Variants in GOSR2 observed in about 807,000 individuals in gnomAD.
GOSR2 encodes the protein 27 kDa Golgi SNARE protein.
Under a neutral mutation model 27.9 loss-of-function variants are expected in GOSR2, and 20 were observed. That is an observed-to-expected ratio of 0.72 (90% CI 0.50 to 1.04). The LOEUF is 1.04. GOSR2 is among the 50% of genes least tolerant of loss of function. The pLI, the probability that GOSR2 is intolerant of heterozygous loss-of-function variation, is 0.00. For missense variants in GOSR2, 261 were observed against 270.5 expected (o/e 0.97, Z 0.25); for synonymous variants, 91 against 98.8 (o/e 0.92, Z 0.47).
Position 46,923,170 on chromosome 17 carries a change from C to T in GOSR2, c.-23C>T, listed in dbSNP as rs562237021. The T allele has an allele frequency of 1.3e-6, 2 of 1,484,986 alleles. No individual in the cohort carries two copies. The highest frequency in any genetic ancestry group is 9.2e-7 in the Non-Finnish European group (1 of 1,086,450). The allele number at this position is 1,484,986 out of a possible 1,614,324, so 92.0% of individuals were successfully genotyped here. ...TGTTCCGAGGAAGCCAGAGCCGGAG[C>T]CGTGGCCTGCGGGGCCGGCGACATG... On this transcript the variant is annotated 5_prime_UTR_variant, in exon 1 of 6. Coordinates refer to ENST00000640051, the MANE Select transcript of GOSR2 (RefSeq NM_004287.5).
intron 2 of GOSR2, chr17:46,930,804 C>G (rs2087246424): frequency 2.9e-6 from 1 of 347,996 alleles, no homozygotes; most frequent in Non-Finnish European, 5.3e-6. Flanking sequence ...TTTGGACAAC[C>G]TTTGCATGTT....
Position 46,940,488 on chromosome 17 carries a change from G to T in GOSR2, c.*1728G>T. The T allele has an allele frequency of 6.2e-7, 1 of 1,613,072 alleles. No homozygotes were observed. The highest frequency in any genetic ancestry group is 8.5e-7 in the Non-Finnish European group (1 of 1,179,788). On this transcript the variant is annotated 3_prime_UTR_variant, in exon 6 of 6. Transcript: ENST00000640051. Reference sequence around the variant, plus strand: ...ACTGCTGCGGTGCCAGGGACCTAGCGCAGGACTTTTGGTAATCCATAAAAT... The same window carrying T: ...ACTGCTGCGGTGCCAGGGACCTAGCTCAGGACTTTTGGTAATCCATAAAAT...
At chr17:46,935,005 C>CTT in intron 4 of GOSR2, 24 bp from the exon 5 acceptor site, 1 of 1,609,056 alleles carries the variant, frequency 6.2e-7, no homozygotes, top group Non-Finnish European at 8.5e-7. Flanking sequence ...CAAAGTTAAT[C>CTT]AAGTGCCTGT....
chr17:46,928,881 C>T (rs1466661255), intron 1 of GOSR2, among the ~76,000 whole-genome samples: 1 of 152,154 alleles, frequency 6.6e-6, no homozygotes, highest in Non-Finnish European at 1.5e-5. Flanking sequence ...CTCTTTCCAT[C>T]CACATAACTT....
intron 1 of GOSR2, among the ~76,000 whole-genome samples, chr17:46,925,386 A>G (rs1413157731): frequency 6.6e-6 from 1 of 152,240 alleles, no homozygotes; most frequent in Admixed American, 6.5e-5. Context: ...GCTGTGCACC[A>G]TTCTCAGTGC....
At chr17:46,958,619 G>T (rs1323246559) in intron 6 of GOSR2, among the ~76,000 whole-genome samples, 1 of 152,240 alleles carries the variant, frequency 6.6e-6, no homozygotes, top group Non-Finnish European at 1.5e-5. Context: ...AGTGGGATGT[G>T]CCAGCTCAGG....
In GOSR2 at chr17:46,923,202, C is replaced by T. The variant is rs756276963; in HGVS notation, c.10C>T (p.Leu4=). 5.8e-6 allele frequency: 9 copies of T among 1,548,914 alleles called. No homozygotes were observed. Among genetic ancestry groups the T allele is most frequent in the South Asian group, 1.2e-5 (1 of 84,004 alleles). The change falls in exon 1 of 6, where the codon CTG becomes TTG. Residue 4 remains leucine (L), a synonymous_variant. Transcript: ENST00000640051. ...CTGCGGGGCCGGCGACATGGATCCC[C>T]TGTTCCAGCAAACGCACAAGTGAGG... The part of the protein sequence containing the change: MDP[L]FQQTHKQVHE...
intron 6 of GOSR2, among the ~76,000 whole-genome samples, chr17:46,972,164 A>T (rs2091399845): frequency 6.6e-6 from 1 of 152,148 alleles, no homozygotes; most frequent in African/African-American, 2.4e-5. Context: ...CTGTGTGCTG[A>T]CAGAACCCTG....
chr17:46,923,171 C>G lies in GOSR2; in HGVS notation c.-22C>G, dbSNP rs768526397. ...GTTCCGAGGAAGCCAGAGCCGGAGC[C>G]GTGGCCTGCGGGGCCGGCGACATGG... is the stretch of plus-strand genomic sequence containing the variant. On this transcript the variant is annotated 5_prime_UTR_variant, in exon 1 of 6. Coordinates refer to ENST00000640051, the MANE Select transcript of GOSR2 (RefSeq NM_004287.5). 8.1e-6 allele frequency: 12 copies of G among 1,490,374 alleles called. No individual in the cohort carries two copies. Among genetic ancestry groups the G allele is most frequent in the African/African-American group, 2.8e-5 (2 of 72,030 alleles). 92.3% of individuals were successfully genotyped at this position (1,490,374 alleles called of 1,614,324 possible).
At chr17:46,955,061 G>C (rs1443153589) in intron 6 of GOSR2, among the ~76,000 whole-genome samples, 1 of 152,196 alleles carries the variant, frequency 6.6e-6, no homozygotes, top group Non-Finnish European at 1.5e-5. Flanking sequence ...TGTTGAATAG[G>C]AGTGGTGAGA....
At chr17:46,953,756 T>C (rs936503928) in intron 6 of GOSR2, among the ~76,000 whole-genome samples, 4 of 152,224 alleles carry the variant, frequency 2.6e-5, no homozygotes, top group Non-Finnish European at 5.9e-5. Flanking sequence ...TGGTATCTCA[T>C]TGTGGTTTTG....
At chr17:46,971,124 G>C (rs768891903), downstream of GOSR2, among the ~76,000 whole-genome samples, 4 of 152,106 alleles carry the variant, frequency 2.6e-5, no homozygotes, top group South Asian at 4.1e-4. Flanking sequence ...GATCATTTGA[G>C]GTCAGGAGTT....
chr17:46,923,890 T>TA lies in GOSR2; in HGVS notation c.29+670dup, dbSNP rs376196276. The TA allele has an allele frequency of 7.9e-4, 315 of 396,686 alleles. 2 individuals carry two copies. The highest frequency in any genetic ancestry group is 4.4e-3 in the African/African-American group (214 of 48,658). The allele number at this position is 396,686 out of a possible 1,614,324, so 24.6% of individuals were successfully genotyped here. ...AGTTGAGTATTAATGGGGCCATACT[T>TA]ACCCTATTTTTGGGGGCGGGGGGCA... On this transcript the variant is annotated intron_variant, in intron 1 of 5. Coordinates refer to ENST00000640051, the MANE Select transcript of GOSR2 (RefSeq NM_004287.5).
intron 1 of GOSR2, among the ~76,000 whole-genome samples, chr17:46,925,020 A>G (rs2086276957): frequency 1.3e-5 from 2 of 152,216 alleles, no homozygotes; most frequent in South Asian, 2.1e-4. Context: ...AGAAAACTGC[A>G]TGGCTCAGAA....
chr17:46,938,423 C>G (rs529438009), intron 5 of GOSR2, among the ~76,000 whole-genome samples, 176 bp from the exon 6 acceptor site: 9 of 152,226 alleles, frequency 5.9e-5, no homozygotes, highest in African/African-American at 1.7e-4. Flanking sequence ...GTACCTTGAT[C>G]AAAAATCAGT....
chr17:46,947,691 G>C (rs1309523840), intron 6 of GOSR2, among the ~76,000 whole-genome samples: 3 of 152,224 alleles, frequency 2.0e-5, no homozygotes, highest in Non-Finnish European at 4.4e-5. Flanking sequence ...CGTCCTGTCT[G>C]TATAGTGAGA....
chr17:46,929,475 T>C, intron 1 of GOSR2, 45 bp from the exon 2 acceptor site: 1 of 976,450 alleles, frequency 1.0e-6, no homozygotes, highest in Non-Finnish European at 1.7e-6. Flanking sequence ...TGAAGCGCTG[T>C]TGATTACTCC....
intron 1 of GOSR2, 25 bp downstream of exon 1, chr17:46,923,246 A>AG: frequency 6.4e-7 from 1 of 1,550,992 alleles, no homozygotes; most frequent in African/African-American, 1.4e-5. Flanking sequence ...GGGAGCGGGC[A>AG]GGGGCTAGAC....
At chr17:46,965,860 G>A (rs1226026342) in intron 6 of GOSR2, among the ~76,000 whole-genome samples, 5 of 151,300 alleles carry the variant, frequency 3.3e-5, no homozygotes, top group African/African-American at 1.2e-4. Flanking sequence ...TGAACTCCTG[G>A]TCTCAAGTGA....
Sources: allele counts gnomAD v4.1 joint callset (sites outside exome capture counted in the v4.1 genomes callset), GRCh38; gene constraint gnomAD v4.1.1; transcripts MANE v1.5; gene names NCBI Gene and HGNC (gene_info 2026-07-23, HGNC 2026-07-21).